The following CMC1 variants were observed in gnomAD, a reference collection of about 807,000 sequenced individuals.
The protein encoded by CMC1 is C-X9-C motif containing 1, also known as COX assembly mitochondrial protein homolog.
Under a neutral mutation model 14.1 loss-of-function variants are expected in CMC1, and 14 were observed. The observed-to-expected ratio is 0.99, with a 90% CI of 0.66 to 1.55. The LOEUF (loss-of-function observed/expected upper bound fraction) is 1.55. Among genes scored for constraint, CMC1 ranks in the 40% most tolerant of loss-of-function variants. The pLI is 0.00. For missense variants in CMC1, 127 were observed against 123.8 expected (o/e 1.03, Z -0.12); for synonymous variants, 50 against 38.4 (o/e 1.30, Z -1.12).
intron 1 of CMC1, 125 bp downstream of exon 1, chr3:28,241,937 T>A: frequency 1.0e-6 from 1 of 1,000,520 alleles, no homozygotes. Context: ...TCCACCAGCG[T>A]CTCCTCATAC....
chr3:28,283,557 A>C (rs542849353), intron 2 of CMC1, among the ~76,000 whole-genome samples: 56 of 150,768 alleles, frequency 3.7e-4, no homozygotes, highest in Non-Finnish European at 5.0e-4. Context: ...AAAACAAAAA[A>C]AAAAAAAAAA....
intron 2 of CMC1, among the ~76,000 whole-genome samples, chr3:28,314,118 G>A (rs868192206): frequency 2.0e-5 from 3 of 152,102 alleles, no homozygotes; most frequent in Non-Finnish European, 2.9e-5. Flanking sequence ...AGCTAATTCC[G>A]GATTAACTTT....
At chr3:28,309,013 TG>T (rs1702484710) in intron 2 of CMC1, among the ~76,000 whole-genome samples, 1 of 151,698 alleles carries the variant, frequency 6.6e-6, no homozygotes. Flanking sequence ...TAAATAAGCC[TG>T]CAAAACTAAA....
chr3:28,297,249 A>T (rs1170815349), intron 2 of CMC1: 1 of 152,044 alleles, frequency 6.6e-6, no homozygotes, highest in African/African-American at 2.4e-5. Flanking sequence ...TTCTTGGAGC[A>T]TATATTTAGA....
At chr3:28,270,920 CTTTTTTT>C (rs71087680) in intron 2 of CMC1, among the ~76,000 whole-genome samples, 78 of 83,728 alleles carry the variant, frequency 9.3e-4, no homozygotes, top group African/African-American at 3.8e-3. Context: ...GAGTTAATTT[CTTTTTTT>C]TTTTTTTTTT....
At chr3:28,276,004 G>A (rs1202947276) in intron 2 of CMC1, among the ~76,000 whole-genome samples, 1 of 152,164 alleles carries the variant, frequency 6.6e-6, no homozygotes, top group East Asian at 1.9e-4. Flanking sequence ...TGCAGTGGTG[G>A]CTGCTGCCCC....
At chr3:28,288,623 A>G (rs1701319450) in intron 2 of CMC1, among the ~76,000 whole-genome samples, 1 of 152,052 alleles carries the variant, frequency 6.6e-6, no homozygotes, top group South Asian at 2.1e-4. Flanking sequence ...GTGTTGGAAT[A>G]TTAAAACAAG....
chr3:28,303,818 T>G (rs953674270), intron 2 of CMC1, among the ~76,000 whole-genome samples: 1 of 152,140 alleles, frequency 6.6e-6, no homozygotes, highest in African/African-American at 2.4e-5. Context: ...TGAACAAATA[T>G]AAGCTAAGCA....
At chr3:28,285,082 A>T (rs1701103149) in intron 2 of CMC1, among the ~76,000 whole-genome samples, 1 of 152,188 alleles carries the variant, frequency 6.6e-6, no homozygotes, top group Non-Finnish European at 1.5e-5. Flanking sequence ...CTTTGTGATT[A>T]TTGAGATTCC....
chr3:28,310,675 C>T (rs1446094517), intron 2 of CMC1, among the ~76,000 whole-genome samples: 1 of 152,128 alleles, frequency 6.6e-6, no homozygotes, highest in Non-Finnish European at 1.5e-5. Flanking sequence ...ATAGATTTGC[C>T]TTTGAAAATG....
intron 2 of CMC1, among the ~76,000 whole-genome samples, chr3:28,298,016 A>AGAAAAACAGGATGGAGGG (rs1391660692): frequency 6.6e-6 from 1 of 152,016 alleles, no homozygotes; most frequent in Non-Finnish European, 1.5e-5. Context: ...GTCTGGTTCA[A>AGAAAAACAGGATGGAGGG]GAAAAACAGG....
At chr3:28,288,763 G>GT (rs11463887) in intron 2 of CMC1, among the ~76,000 whole-genome samples, 29,583 of 151,422 alleles carry the variant, frequency 0.2, 3,162 homozygotes, top group Admixed American at 0.27. Context: ...AATTTATAAA[G>GT]TTTGATAAAT....
intron 2 of CMC1, chr3:28,292,033 C>T (rs1701496292): frequency 6.6e-6 from 1 of 151,882 alleles, no homozygotes; most frequent in Non-Finnish European, 1.5e-5. Context: ...TTTCTGTGGG[C>T]TATTTGTGCC....
chr3:28,285,862 G>T (rs1307130809), intron 2 of CMC1, among the ~76,000 whole-genome samples: 1 of 151,722 alleles, frequency 6.6e-6, no homozygotes, highest in East Asian at 1.9e-4. Flanking sequence ...TGCCTCCTGG[G>T]TTCACGCCAT....
intron 2 of CMC1, among the ~76,000 whole-genome samples, chr3:28,303,548 T>C (rs530140528): frequency 6.6e-6 from 1 of 152,284 alleles, no homozygotes; most frequent in South Asian, 2.1e-4. Context: ...GTACAGCCTT[T>C]ACTAAACTGA....
At chr3:28,295,088 A>G (rs1701671953) in intron 2 of CMC1, among the ~76,000 whole-genome samples, 2 of 152,186 alleles carry the variant, frequency 1.3e-5, no homozygotes, top group African/African-American at 4.8e-5. Flanking sequence ...ATGTTTTTCT[A>G]ACAGACTCAT....
intron 2 of CMC1, among the ~76,000 whole-genome samples, chr3:28,264,005 T>A (rs192982170): frequency 1.3e-5 from 2 of 152,140 alleles, no homozygotes; most frequent in African/African-American, 2.4e-5. Flanking sequence ...TAGTGAAACA[T>A]GTAAAGAAAG....
chr3:28,314,550 G>A (rs1202717173), intron 2 of CMC1, among the ~76,000 whole-genome samples: 2 of 152,246 alleles, frequency 1.3e-5, no homozygotes, highest in African/African-American at 4.8e-5. Context: ...TAGTGAAGCA[G>A]AAGCCAAAGG....
chr3:28,293,113 A>T (rs1234578574), intron 2 of CMC1: 1 of 152,064 alleles, frequency 6.6e-6, no homozygotes, highest in African/African-American at 2.4e-5. Context: ...ATTTTGTGGG[A>T]ACGTTAAGTG....
Sources: gnomAD v4.1 joint callset for allele counts (sites outside exome capture counted in the v4.1 genomes callset) on GRCh38, gnomAD v4.1.1 for gene constraint, MANE v1.5 for transcripts, NCBI Gene and HGNC (gene_info 2026-07-23, HGNC 2026-07-21) for gene names.